Variants in DLGAP2 observed in about 807,000 individuals in gnomAD.
DLGAP2 encodes disks large-associated protein 2.
A neutral mutation model predicts 100.3 loss-of-function variants in DLGAP2; 26 were observed. The observed-to-expected ratio is 0.26, with a 90% CI of 0.19 to 0.36. The LOEUF is 0.36. Among genes scored for constraint, DLGAP2 ranks in the 10% least tolerant of loss-of-function variants. The pLI is 1.00. For missense variants in DLGAP2, 1,858 were observed against 1,453.2 expected (o/e 1.28, Z -4.53); for synonymous variants, 886 against 630.1 (o/e 1.41, Z -6.08).
At chr8:1,202,057 ATG>A (rs1293547738) in intron 2 of DLGAP2, among the ~76,000 whole-genome samples, 2 of 149,022 alleles carry the variant, frequency 1.3e-5, no homozygotes. Flanking sequence ...TATCTGTGTG[ATG>A]TGTGTGTATG....
At chr8:788,576 C>G (rs1237677775) in intron 1 of DLGAP2, among the ~76,000 whole-genome samples, 1 of 152,182 alleles carries the variant, frequency 6.6e-6, no homozygotes, top group African/African-American at 2.4e-5. Flanking sequence ...TAACCTACAC[C>G]TTTGATAACA....
intron 11 of DLGAP2, among the ~76,000 whole-genome samples, chr8:1,677,114 A>T (rs930471741): frequency 6.6e-6 from 1 of 152,222 alleles, no homozygotes; most frequent in African/African-American, 2.4e-5. Context: ...GTTTATATTT[A>T]AAATAGCATG....
intron 6 of DLGAP2, among the ~76,000 whole-genome samples, chr8:1,598,409 C>G (rs1418601984): frequency 6.6e-6 from 1 of 152,158 alleles, no homozygotes; most frequent in Non-Finnish European, 1.5e-5. Flanking sequence ...CCGTCTTTTT[C>G]TATTGTTTGG....
At chr8:985,552 A>C (rs1800461849) in intron 2 of DLGAP2, among the ~76,000 whole-genome samples, 1 of 152,240 alleles carries the variant, frequency 6.6e-6, no homozygotes, top group African/African-American at 2.4e-5. Context: ...AAAATTTTAC[A>C]AAGAGAATTT....
intron 3 of DLGAP2, among the ~76,000 whole-genome samples, chr8:1,299,388 C>G (rs938359547): frequency 6.6e-6 from 1 of 152,172 alleles, no homozygotes; most frequent in Non-Finnish European, 1.5e-5. Context: ...TCTCATGGCC[C>G]TTCTTTCACA....
intron 3 of DLGAP2, among the ~76,000 whole-genome samples, chr8:1,332,303 A>AGT (rs200944876): frequency 6.6e-6 from 1 of 150,936 alleles, no homozygotes; most frequent in Admixed American, 6.6e-5. Flanking sequence ...CACGTGTGTC[A>AGT]GTGTGTGTGT....
intron 2 of DLGAP2, chr8:1,018,630 G>A (rs1291017895): frequency 6.6e-6 from 1 of 152,328 alleles, no homozygotes; most frequent in African/African-American, 2.4e-5. Flanking sequence ...TCATAATTAC[G>A]TTGAGGTCTC....
chr8:1,192,066 C>G (rs1406601194), intron 2 of DLGAP2, among the ~76,000 whole-genome samples: 1 of 152,158 alleles, frequency 6.6e-6, no homozygotes, highest in Non-Finnish European at 1.5e-5. Flanking sequence ...CCAGGGCTCT[C>G]TGAGATGGAT....
chr8:1,234,242 G>T (rs1256543023), intron 2 of DLGAP2, among the ~76,000 whole-genome samples: 1 of 152,198 alleles, frequency 6.6e-6, no homozygotes, highest in Admixed American at 6.5e-5. Context: ...ACAACCCTGA[G>T]TGGAACCAGC....
rs1385599231 is a variant in DLGAP2 at position 965,726 on chromosome 8, C to A, written c.73+57760C>A. ...CCTGAGCCCAACCCCCGCGTGCACA[C>A]GGCACTGTTCACCTCACACGGCTCC... is the stretch of plus-strand genomic sequence containing the variant. On this transcript the variant is annotated intron_variant, in intron 2 of 14. Coordinates refer to ENST00000637795, the MANE Select transcript of DLGAP2 (RefSeq NM_001346810.2). Among the ~76,000 whole-genome samples the A allele has an allele frequency of 7.0e-4, 97 of 139,458 alleles. 2 individuals are homozygous for A. The highest frequency in any genetic ancestry group is 2.7e-3 in the African/African-American group (94 of 35,422). 91.5% of individuals were successfully genotyped at this position (139,458 alleles called of 152,430 possible). A position where few individuals can be genotyped will look rare whatever the true frequency, so the allele number is the denominator to read the frequency against.
At chr8:905,696 G>A (rs1439113744) in intron 1 of DLGAP2, among the ~76,000 whole-genome samples, 1 of 152,110 alleles carries the variant, frequency 6.6e-6, no homozygotes, top group African/African-American at 2.4e-5. Context: ...GGGTTTGGAG[G>A]GGTGGTCACG....
chr8:855,122 G>T (rs1478763667), intron 1 of DLGAP2, among the ~76,000 whole-genome samples: 1 of 152,228 alleles, frequency 6.6e-6, no homozygotes, highest in Non-Finnish European at 1.5e-5. Context: ...TTGGGTTGCT[G>T]TGTGCAGCGT....
Position 1,501,502 on chromosome 8 carries a change from T to A in DLGAP2, c.172+71T>A, listed in dbSNP as rs1197776755. ...CCGGGCATGCTCCGGGCACCTCCCA[T>A]CATGCGGACCGTCCCACAAACACAC... On this transcript the variant is annotated intron_variant, in intron 4 of 14. Transcript: ENST00000637795. 2.1e-6 allele frequency: 3 copies of A among 1,433,014 alleles called. No individual in the cohort carries two copies. The African/African-American group carries it at 4.3e-5, about 20-fold the overall frequency. The allele number at this position is 1,433,014 out of a possible 1,614,324, so 88.8% of individuals were successfully genotyped here.
chr8:895,002 C>T, intron 1 of DLGAP2, among the ~76,000 whole-genome samples: 1 of 58,266 alleles, frequency 1.7e-5, no homozygotes, highest in South Asian at 6.3e-4. Context: ...AGAGTGGTGG[C>T]TGGCAGGGCA....
intron 2 of DLGAP2, among the ~76,000 whole-genome samples, chr8:1,161,685 C>G (rs1796893083): frequency 1.3e-5 from 2 of 152,232 alleles, no homozygotes; most frequent in African/African-American, 2.4e-5. Context: ...AGGGCTCACA[C>G]CAGGGGTCCA....
chr8:1,584,372 G>A (rs1406331867), intron 6 of DLGAP2, among the ~76,000 whole-genome samples: 13 of 152,220 alleles, frequency 8.5e-5, no homozygotes, highest in Admixed American at 2.6e-4. Context: ...AACGGGAGCA[G>A]ACGCCAGACT....
At chr8:1,052,157 G>C (rs900982635) in intron 2 of DLGAP2, among the ~76,000 whole-genome samples, 2 of 152,080 alleles carry the variant, frequency 1.3e-5, no homozygotes, top group African/African-American at 4.8e-5. Flanking sequence ...GTGTCATGAG[G>C]TGGGCCTGGG....
At chr8:1,369,528 C>T (rs1352730488) in intron 3 of DLGAP2, 1 of 152,178 alleles carries the variant, frequency 6.6e-6, no homozygotes, top group African/African-American at 2.4e-5. Context: ...AATTCCTTCC[C>T]CTTGTTTCCC....
chr8:1,051,054 G>C (rs139098690), intron 2 of DLGAP2, among the ~76,000 whole-genome samples: 1 of 148,394 alleles, frequency 6.7e-6, no homozygotes, highest in Non-Finnish European at 1.5e-5. Context: ...GGGTCATTTC[G>C]TGGGTGGGGG....
Sources: allele counts gnomAD v4.1 joint callset (sites outside exome capture counted in the v4.1 genomes callset), GRCh38; gene constraint gnomAD v4.1.1; transcripts MANE v1.5; gene names NCBI Gene and HGNC (gene_info 2026-07-23, HGNC 2026-07-21).